STS: variants seen among roughly 807,000 people sequenced by gnomAD.
The protein encoded by STS is steroid sulfatase.
STS carries 7 observed loss-of-function variants against 26.8 expected under a neutral mutation model. That is an observed-to-expected ratio of 0.26 (90% confidence interval 0.15 to 0.49). The LOEUF is 0.49. STS is among the 20% of genes least tolerant of loss of function. The pLI, the probability that STS is intolerant of heterozygous loss-of-function variation, is 0.98. For missense variants in STS, 434 were observed against 465.6 expected, an observed-to-expected ratio of 0.93 and a Z score of 0.63; for synonymous variants, 199 against 189.4, an observed-to-expected ratio of 1.05 and a Z score of -0.42.
intron 2 of STS, among the ~76,000 whole-genome samples, chrX:7,202,395 A>G (rs1934089695): frequency 9.0e-6 from 1 of 111,071 alleles, no homozygotes; most frequent in Admixed American, 9.7e-5. Flanking sequence ...CTACCTCTCT[A>G]TCAGTATTTA....
chrX:7,208,966 C>T (rs1367037406), intron 2 of STS, among the ~76,000 whole-genome samples: 1 of 111,458 alleles, frequency 9.0e-6, no homozygotes, highest in Non-Finnish European at 1.9e-5. Flanking sequence ...TCCAGTCTCT[C>T]CCCACCTCCT....
intron 8 of STS, among the ~76,000 whole-genome samples, chrX:7,309,415 A>G (rs151123620): frequency 0.042 from 4,661 of 110,741 alleles, 232 homozygotes; most frequent in African/African-American, 0.14. Flanking sequence ...GGAGGAGGGA[A>G]AGGAGCAGGA....
intron 7 of STS, among the ~76,000 whole-genome samples, chrX:7,292,082 G>A (rs1479780677): frequency 1.8e-5 from 2 of 112,560 alleles, no homozygotes; most frequent in East Asian, 2.8e-4. Context: ...TGAGAAAAAC[G>A]ATTTTGTTTT....
chrX:7,324,996 G>C (rs1031543741), intron 8 of STS, among the ~76,000 whole-genome samples: 2 of 111,014 alleles, frequency 1.8e-5, no homozygotes, highest in Non-Finnish European at 1.9e-5. Context: ...GCCTGCCACA[G>C]CTGGTGTAAA....
intron 2 of STS, among the ~76,000 whole-genome samples, chrX:7,201,894 A>G (rs1314084980): frequency 9.0e-6 from 1 of 110,721 alleles, no homozygotes; most frequent in East Asian, 2.9e-4. Context: ...CAACATGGCC[A>G]CCTGTTCTGT....
chrX:7,279,161 G>A (rs1172622768), intron 7 of STS, among the ~76,000 whole-genome samples: 9 of 107,686 alleles, frequency 8.4e-5, no homozygotes, highest in South Asian at 4.2e-4. Context: ...AAAATTAGCC[G>A]GGCATGGTGG....
chrX:7,215,010 G>GTATATATATATATTATATATGTATATA (rs1569191571), intron 2 of STS, among the ~76,000 whole-genome samples: 17 of 78,803 alleles, frequency 2.2e-4, no homozygotes, highest in African/African-American at 8.2e-4. Flanking sequence ...ACATATATAC[G>GTATATATATATATTATATATGTATATA]TATATATATA....
At chrX:7,336,239 G>GCGGGGCC (rs1928017511) in intron 10 of STS, among the ~76,000 whole-genome samples, 2 of 88,767 alleles carry the variant, frequency 2.3e-5, no homozygotes, top group Non-Finnish European at 4.4e-5. Context: ...ACCTAGGACT[G>GCGGGGCC]CCCCCCCCAC....
At position 7,350,791 on chromosome X, in the gene STS, A is replaced by G. The variant is rs1467650566; in HGVS notation, c.*530A>G. On this transcript the variant is annotated 3_prime_UTR_variant, in exon 11 of 11. Transcript: ENST00000674429. The stretch of plus-strand genomic sequence containing the variant: ...GAAAGATCTTCTTTAGGAATAATAG[A>G]TGATGGTAAGTTCCACTTTGGTTAT... The G allele has an allele frequency of 8.6e-6, 1 of 115,625 alleles. No individual in the cohort carries two copies. Among genetic ancestry groups the G allele is most frequent in the African/African-American group, 3.2e-5 (1 of 31,054 alleles). 9.5% of individuals were successfully genotyped at this position (115,625 alleles called of 1,213,427 possible).
chrX:7,279,383 A>G (rs1184288668), intron 7 of STS, among the ~76,000 whole-genome samples: 2 of 77,188 alleles, frequency 2.6e-5, no homozygotes, highest in Admixed American at 1.4e-4. Context: ...GTGTGTATAT[A>G]TATGTGTGTG....
At chrX:7,205,264 G>C (rs12859783) in intron 2 of STS, among the ~76,000 whole-genome samples, 28,019 of 111,711 alleles carry the variant, frequency 0.25, 2,727 homozygotes, top group Admixed American at 0.41. Context: ...TTCATAGTGA[G>C]GAAGAGAAAG....
At chrX:7,282,627 A>G (rs1356484619) in intron 7 of STS, among the ~76,000 whole-genome samples, 1 of 112,860 alleles carries the variant, frequency 8.9e-6, no homozygotes, top group Non-Finnish European at 1.9e-5. Flanking sequence ...CCACAAAAAC[A>G]GCTCTCCTTG....
intron 2 of STS, among the ~76,000 whole-genome samples, chrX:7,197,053 C>T (rs1239673891): frequency 1.8e-5 from 2 of 110,659 alleles, no homozygotes; most frequent in Non-Finnish European, 3.8e-5. Flanking sequence ...CTTTCTTTTA[C>T]CCCATCAGGC....
rs946394571 is a variant in STS, at chrX:7,262,098, T to C, written c.806+2326T>C. On this transcript the variant is annotated intron_variant, in intron 6 of 10. Coordinates refer to ENST00000674429, the MANE Select transcript of STS (RefSeq NM_001320752.2). ...CAACGGCTGAGGGAGCACCACACAA[T>C]TTAAGTTTTTATTTTGGTTAACATC... is the stretch of plus-strand genomic sequence containing the variant. Among the ~76,000 whole-genome samples, 8 of 112,023 alleles carry C rather than the reference T, an allele frequency of 7.1e-5. No individual in the cohort carries two copies. In the East Asian group the frequency reaches 2.3e-3, roughly 32 times the overall value.
intron 3 of STS, among the ~76,000 whole-genome samples, chrX:7,253,654 G>A (rs1301862046): frequency 3.6e-5 from 4 of 111,494 alleles, no homozygotes; most frequent in African/African-American, 9.8e-5. Context: ...CACCTATTTC[G>A]TCTTCTCCTT....
In STS at chrX:7,350,507, G is replaced by T; in HGVS notation, c.*246G>T. 1 of 410,970 alleles carries T rather than the reference G, an allele frequency of 2.4e-6. No individual in the cohort carries two copies. The highest frequency in any genetic ancestry group is 4.2e-6 in the Non-Finnish European group (1 of 239,109). 33.9% of individuals were successfully genotyped at this position (410,970 alleles called of 1,213,427 possible). On this transcript the variant is annotated 3_prime_UTR_variant, in exon 11 of 11. Transcript: ENST00000674429. The stretch of plus-strand genomic sequence containing the variant: ...TTATGCCTTCTGTGGCCAGAGTCTT[G>T]GACTCATGGAAATAGAATGAATAGA...
intron 1 of STS, among the ~76,000 whole-genome samples, chrX:7,169,883 T>G (rs1933429966): frequency 3.5e-5 from 3 of 86,794 alleles, no homozygotes; most frequent in Admixed American, 1.3e-4. Flanking sequence ...ATGGGTGGCA[T>G]GTTTGTTGGT....
intron 1 of STS, among the ~76,000 whole-genome samples, chrX:7,161,668 T>C (rs1933248342): frequency 8.9e-6 from 1 of 112,383 alleles, no homozygotes; most frequent in Non-Finnish European, 1.9e-5. Context: ...ACATATTTCA[T>C]GTACACATCA....
intron 7 of STS, among the ~76,000 whole-genome samples, chrX:7,298,004 G>C (rs1219769865): frequency 4.5e-5 from 5 of 111,394 alleles, no homozygotes; most frequent in African/African-American, 1.3e-4. Flanking sequence ...TTGAATCCCA[G>C]ATGACCTTTT....
Sources: allele counts gnomAD v4.1 joint callset (sites outside exome capture counted in the v4.1 genomes callset), GRCh38; gene constraint gnomAD v4.1.1; transcripts MANE v1.5; gene names NCBI Gene and HGNC (gene_info 2026-07-23, HGNC 2026-07-21).